The following ADAMTSL3 variants were observed in gnomAD, a reference collection of about 807,000 sequenced individuals.
ADAMTSL3 encodes ADAMTS-like protein 3.
A neutral mutation model predicts 201.7 loss-of-function variants in ADAMTSL3; 128 were observed. The ratio of observed to expected loss-of-function variants is 0.63; its 90% CI spans 0.55 to 0.73. ADAMTSL3 has a LOEUF of 0.73. Among genes scored for constraint, ADAMTSL3 ranks in the 30% least tolerant of loss-of-function variants. The pLI is 0.00. For synonymous variants in ADAMTSL3, 738 were observed against 748.4 expected (o/e 0.99, Z 0.23); for missense variants, 1,990 against 2,119.6 (o/e 0.94, Z 1.20).
In ADAMTSL3 at chr15:83,804,692, T is replaced by C. The variant is rs757573601; in HGVS notation, c.360T>C (p.Asn120=). ...GQNIRYKTCS[N]HDCPPDAEDF... ...ACATTCGGTACAAGACATGCAGCAA[T>C]CATGTAAGTCATAAAATAAAATTAT... The change falls in exon 5 of 30, where the codon AAT becomes AAC. Residue 120 remains asparagine, a synonymous_variant. Transcript: ENST00000286744. 8.2e-6 allele frequency: 13 copies of C among 1,579,448 alleles called. No homozygotes were observed. The highest frequency in any genetic ancestry group is 1.1e-5 in the Non-Finnish European group (13 of 1,164,814).
intron 9 of ADAMTSL3, among the ~76,000 whole-genome samples, chr15:83,877,549 C>T (rs1049828224): frequency 2.0e-5 from 3 of 152,130 alleles, no homozygotes; most frequent in Non-Finnish European, 4.4e-5. Context: ...TAAGTTTCAG[C>T]TTTGTTCTTG....
At chr15:83,834,359 C>T (rs1031397350) in intron 6 of ADAMTSL3, among the ~76,000 whole-genome samples, 3 of 152,136 alleles carry the variant, frequency 2.0e-5, no homozygotes, top group Non-Finnish European at 2.9e-5. Flanking sequence ...TGGGCTGAAG[C>T]AAAATGTTTC....
intron 13 of ADAMTSL3, among the ~76,000 whole-genome samples, chr15:83,895,281 C>G (rs543023736): frequency 6.6e-6 from 1 of 152,104 alleles, no homozygotes; most frequent in Non-Finnish European, 1.5e-5. Context: ...GATTTGTTAT[C>G]GAGACATTAG....
In ADAMTSL3 at chr15:83,819,981, T is replaced by C; in HGVS notation, c.534T>C (p.Pro178=). The change falls in exon 6 of 30, where the codon CCT becomes CCC. Residue 178 remains proline (P), a synonymous_variant. Transcript: ENST00000286744. ...QGQNLVVELA[P]KVLDGTRCNT... ...AAAACTTGGTGGTGGAGCTGGCACC[T>C]AAGGTACTGGATGGAACTCGTTGCA... is the stretch of plus-strand genomic sequence containing the variant. The C allele has an allele frequency of 6.2e-7, 1 of 1,614,140 alleles. No individual in the cohort carries two copies. Among genetic ancestry groups the C allele is most frequent in the Non-Finnish European group, 8.5e-7 (1 of 1,180,008 alleles).
At chr15:83,874,962 C>T (rs2065151822) in intron 9 of ADAMTSL3, among the ~76,000 whole-genome samples, 2 of 145,420 alleles carry the variant, frequency 1.4e-5, no homozygotes, top group South Asian at 4.3e-4. Flanking sequence ...CTCAGAAACT[C>T]CACAGTAGAC....
intron 17 of ADAMTSL3, among the ~76,000 whole-genome samples, chr15:83,937,920 G>A (rs1233872627): frequency 6.6e-6 from 1 of 150,816 alleles, no homozygotes; most frequent in East Asian, 1.9e-4. Context: ...TAATAGGCTG[G>A]ATAACTAAGT....
rs74024567 is a variant in ADAMTSL3 at position 83,801,718 on chromosome 15, T to C, written c.318-2932T>C. On this transcript the variant is annotated intron_variant, in intron 4 of 29. Coordinates refer to ENST00000286744, the MANE Select transcript of ADAMTSL3 (RefSeq NM_207517.3). The stretch of plus-strand genomic sequence containing the variant: ...TATGTATGTATGAGGAAATCATAGA[T>C]GGACCAATGAAGAACTAATAGATGC... Among the ~76,000 whole-genome samples the C allele has an allele frequency of 1.0e-2, 1,182 of 118,612 alleles. 20 individuals are homozygous for C. The highest frequency in any genetic ancestry group is 0.033 in the African/African-American group (1,088 of 32,868). 77.8% of individuals were successfully genotyped at this position (118,612 alleles called of 152,430 possible).
intron 17 of ADAMTSL3, among the ~76,000 whole-genome samples, chr15:83,927,980 T>C (rs1270778074): frequency 6.6e-6 from 1 of 152,060 alleles, no homozygotes; most frequent in East Asian, 1.9e-4. Context: ...TGATTTTTTT[T>C]TTTTCTTTTT....
At chr15:83,863,265 CA>C (rs1338580255) in intron 8 of ADAMTSL3, among the ~76,000 whole-genome samples, 2 of 152,132 alleles carry the variant, frequency 1.3e-5, no homozygotes, top group African/African-American at 2.4e-5. Flanking sequence ...CTGCACCAAG[CA>C]GACCTAATAG....
chr15:83,753,487 T>C (rs2062671381), intron 3 of ADAMTSL3, among the ~76,000 whole-genome samples: 1 of 152,220 alleles, frequency 6.6e-6, no homozygotes, highest in Non-Finnish European at 1.5e-5. Context: ...TGTGGGAGTT[T>C]ATTTAAAGCC....
chr15:83,677,315 C>T (rs2554391), intron 2 of ADAMTSL3, among the ~76,000 whole-genome samples: 30,818 of 151,936 alleles, frequency 0.2, 4,091 homozygotes, highest in Admixed American at 0.34. Context: ...TTGTTTAGTT[C>T]TTCTATAATC....
intron 6 of ADAMTSL3, among the ~76,000 whole-genome samples, chr15:83,827,783 C>T (rs190134043): frequency 0.046 from 6,987 of 152,026 alleles, 552 homozygotes; most frequent in African/African-American, 0.16. Context: ...GAATCCTTTC[C>T]CCATTGCTTG....
At chr15:83,991,303 T>G (rs1010444702) in intron 23 of ADAMTSL3, 89 bp downstream of exon 23, 1 of 1,586,108 alleles carries the variant, frequency 6.3e-7, no homozygotes, top group African/African-American at 1.3e-5. Context: ...GCTGGCATTT[T>G]GGTATTCGAG....
chr15:83,851,410 A>G (rs2064610279), intron 7 of ADAMTSL3, among the ~76,000 whole-genome samples: 1 of 152,132 alleles, frequency 6.6e-6, no homozygotes, highest in South Asian at 2.1e-4. Flanking sequence ...TAAAGTGTGT[A>G]ATTATCAATG....
chr15:83,940,515 A>G (rs1481387496), intron 17 of ADAMTSL3, among the ~76,000 whole-genome samples: 1 of 152,166 alleles, frequency 6.6e-6, no homozygotes. Flanking sequence ...CACTAATCCC[A>G]TCATGAGGGC....
intron 24 of ADAMTSL3, among the ~76,000 whole-genome samples, chr15:84,015,844 TAC>T (rs2068079672): frequency 6.6e-6 from 1 of 152,240 alleles, no homozygotes; most frequent in Non-Finnish European, 1.5e-5. Context: ...GTCTCACTCC[TAC>T]CTGGCATACC....
chr15:83,682,503 A>G (rs530498496), intron 2 of ADAMTSL3, among the ~76,000 whole-genome samples: 90 of 152,224 alleles, frequency 5.9e-4, no homozygotes, highest in Non-Finnish European at 1.1e-3. Context: ...TTTCTCTGAG[A>G]TATGTTAGGT....
intron 3 of ADAMTSL3, among the ~76,000 whole-genome samples, chr15:83,750,571 G>A (rs1489041199): frequency 2.1e-5 from 3 of 143,482 alleles, no homozygotes; most frequent in Non-Finnish European, 4.6e-5. Context: ...ACTTTTTTTT[G>A]AGACAGAGTG....
chr15:84,021,665 A>C, intron 26 of ADAMTSL3, 72 bp downstream of exon 26: 2 of 1,524,260 alleles, frequency 1.3e-6, no homozygotes, highest in Middle Eastern at 2.1e-4. Context: ...AGTGATTTGG[A>C]CATAATAATT....
Sources: gnomAD v4.1 joint callset for allele counts (sites outside exome capture counted in the v4.1 genomes callset) on GRCh38, gnomAD v4.1.1 for gene constraint, MANE v1.5 for transcripts, NCBI Gene and HGNC (gene_info 2026-07-23, HGNC 2026-07-21) for gene names.